Variants in ASAP1 observed in about 807,000 individuals in gnomAD.
ASAP1 encodes the protein arf-GAP with SH3 domain, ANK repeat and PH domain-containing protein 1.
A neutral mutation model predicts 145.2 loss-of-function variants in ASAP1; 43 were observed. That is an observed-to-expected ratio of 0.30 (90% CI 0.23 to 0.38). The LOEUF is 0.38. Ranked by LOEUF, ASAP1 falls within the 10% of genes least tolerant of loss-of-function variation. The probability of loss-of-function intolerance (pLI) is 1.00; values close to 1 mark genes in which losing one functional copy is unlikely to be tolerated. For missense variants in ASAP1, 1,018 were observed against 1,355.3 expected (o/e 0.75, Z 3.91); for synonymous variants, 546 against 515.5 (o/e 1.06, Z -0.80).
chr8:130,287,456 C>T (rs968814041), intron 3 of ASAP1, among the ~76,000 whole-genome samples: 2 of 152,178 alleles, frequency 1.3e-5, no homozygotes, highest in African/African-American at 4.8e-5. Context: ...CACCCATTCA[C>T]CCACTGACCC....
intron 3 of ASAP1, among the ~76,000 whole-genome samples, chr8:130,255,415 TCTG>T (rs1279476535): frequency 2.0e-5 from 3 of 152,240 alleles, no homozygotes; most frequent in African/African-American, 4.8e-5. Flanking sequence ...CAACCTGTAT[TCTG>T]CTTTTTTCAC....
rs1323277867 is a variant in ASAP1, at chr8:130,060,594, G to A, written c.3177C>T (p.Pro1059=). The A allele has an allele frequency of 9.9e-6, 16 of 1,611,180 alleles. No homozygotes were observed. The highest frequency in any genetic ancestry group is 1.4e-5 in the Non-Finnish European group (16 of 1,178,602). ...TCCCACCCACCGTATTGATTTTTCT[G>A]GGCAGTGGTACGGGCGTCTCTGGCA... ...PTLPETPVPL[P]RKINTGKNKV... The change falls in exon 28 of 30, where the codon CCC becomes CCT. Residue 1059 remains proline, a synonymous_variant. Coordinates refer to ENST00000518721, the MANE Select transcript of ASAP1 (RefSeq NM_018482.4).
intron 3 of ASAP1, among the ~76,000 whole-genome samples, chr8:130,245,865 TTAAC>T (rs1818817403): frequency 6.6e-6 from 1 of 152,208 alleles, no homozygotes; most frequent in Non-Finnish European, 1.5e-5. Context: ...AAGCACCATC[TTAAC>T]TAAGGTAAAT....
intron 3 of ASAP1, among the ~76,000 whole-genome samples, chr8:130,355,924 A>G (rs1310970444): frequency 6.6e-6 from 1 of 152,208 alleles, no homozygotes; most frequent in East Asian, 1.9e-4. Flanking sequence ...TTATTGTGCC[A>G]TCCTGAAACA....
intron 4 of ASAP1, among the ~76,000 whole-genome samples, chr8:130,232,701 A>C (rs1387574703): frequency 6.6e-6 from 1 of 152,120 alleles, no homozygotes; most frequent in Non-Finnish European, 1.5e-5. Context: ...AAAATAATAC[A>C]TTTTAAGAGT....
intron 18 of ASAP1, among the ~76,000 whole-genome samples, chr8:130,123,003 T>C (rs1307269072): frequency 2.0e-5 from 3 of 152,240 alleles, no homozygotes; most frequent in Non-Finnish European, 4.4e-5. Flanking sequence ...TTAGGTCTTA[T>C]TTGTTCATGG....
chr8:130,409,695 G>A (rs1175423306), intron 1 of ASAP1, among the ~76,000 whole-genome samples: 6 of 152,236 alleles, frequency 3.9e-5, no homozygotes, highest in Admixed American at 6.5e-5. Flanking sequence ...GCCCCCAACC[G>A]CCCGCCTCAT....
intron 25 of ASAP1, among the ~76,000 whole-genome samples, chr8:130,082,530 T>G (rs12676577): frequency 0.082 from 11,858 of 145,104 alleles, 505 homozygotes; most frequent in African/African-American, 0.092. Context: ...AAGAGACAAG[T>G]TCTTGCTCTG....
At chr8:130,180,938 C>G in intron 7 of ASAP1, 58 bp from the exon 8 acceptor site, 2 of 1,462,740 alleles carry the variant, frequency 1.4e-6, no homozygotes, top group Non-Finnish European at 1.9e-6. Flanking sequence ...TGTACAATAC[C>G]AACAGCAGAT....
At chr8:130,322,554 A>T (rs1824073022) in intron 3 of ASAP1, among the ~76,000 whole-genome samples, 1 of 152,230 alleles carries the variant, frequency 6.6e-6, no homozygotes, top group African/African-American at 2.4e-5. Context: ...ACTGGGGACT[A>T]GGAATCAGAT....
chr8:130,369,433 A>T (rs779344655), intron 2 of ASAP1, among the ~76,000 whole-genome samples: 4 of 152,216 alleles, frequency 2.6e-5, no homozygotes, highest in Non-Finnish European at 5.9e-5. Flanking sequence ...GATTTGGGAG[A>T]ATTTCACATT....
intron 13 of ASAP1, among the ~76,000 whole-genome samples, chr8:130,138,897 C>T (rs2097602296): frequency 6.6e-6 from 1 of 151,558 alleles, no homozygotes; most frequent in African/African-American, 2.4e-5. Flanking sequence ...CCTCAGACTC[C>T]AAAATCAGAA....
intron 11 of ASAP1, chr8:130,162,837 C>G (rs1275520358): frequency 6.8e-6 from 1 of 147,924 alleles, no homozygotes; most frequent in South Asian, 2.2e-4. Flanking sequence ...AAAAAACAAA[C>G]AAAATCTAAA....
chr8:130,377,493 G>A (rs886652333), intron 2 of ASAP1, among the ~76,000 whole-genome samples: 7 of 152,302 alleles, frequency 4.6e-5, no homozygotes, highest in South Asian at 2.1e-4. Flanking sequence ...CTGACCAAGC[G>A]CCTCCTGCCT....
chr8:130,440,226 C>T (rs1176443662), intron 1 of ASAP1, among the ~76,000 whole-genome samples: 1 of 152,168 alleles, frequency 6.6e-6, no homozygotes, highest in Admixed American at 6.5e-5. Context: ...GATCCATCCA[C>T]TTTTCATAAA....
At chr8:130,181,678 CA>C (rs1439340353) in intron 7 of ASAP1, among the ~76,000 whole-genome samples, 1 of 152,038 alleles carries the variant, frequency 6.6e-6, no homozygotes, top group Non-Finnish European at 1.5e-5. Context: ...GGGAGGGGGC[CA>C]GGGGAAACGA....
chr8:130,224,444 T>G (rs1817474938), intron 4 of ASAP1, among the ~76,000 whole-genome samples: 1 of 152,114 alleles, frequency 6.6e-6, no homozygotes, highest in African/African-American at 2.4e-5. Context: ...AAAGATAAAA[T>G]TATAATTTCC....
At chr8:130,362,352 G>A (rs965159032) in intron 2 of ASAP1, among the ~76,000 whole-genome samples, 2 of 152,164 alleles carry the variant, frequency 1.3e-5, no homozygotes, top group Non-Finnish European at 2.9e-5. Flanking sequence ...TGCCCTCATG[G>A]AATGACGACA....
At chr8:130,390,730 T>C (rs1038585098) in intron 2 of ASAP1, among the ~76,000 whole-genome samples, 1 of 152,230 alleles carries the variant, frequency 6.6e-6, no homozygotes, top group Non-Finnish European at 1.5e-5. Context: ...GTTACAAGCA[T>C]TCATACCTAC....
Sources: gnomAD v4.1 joint callset for allele counts (sites outside exome capture counted in the v4.1 genomes callset) on GRCh38, gnomAD v4.1.1 for gene constraint, MANE v1.5 for transcripts, NCBI Gene and HGNC (gene_info 2026-07-23, HGNC 2026-07-21) for gene names.